Variants in CNTNAP2 observed in about 807,000 individuals in gnomAD.
CNTNAP2 encodes the protein contactin-associated protein-like 2.
Under a neutral mutation model 155.2 loss-of-function variants are expected in CNTNAP2, and 98 were observed. The observed-to-expected ratio is 0.63, with a 90% CI of 0.54 to 0.75. CNTNAP2 has a LOEUF of 0.75. Among genes scored for constraint, CNTNAP2 ranks in the 30% least tolerant of loss-of-function variants. CNTNAP2 has a pLI of 0.00. For synonymous variants in CNTNAP2, 651 were observed against 631.2 expected (o/e 1.03, Z -0.47); for missense variants, 1,727 against 1,688.1 (o/e 1.02, Z -0.40).
At chr7:146,721,369 ATATATACATTC>A (rs879846295) in intron 1 of CNTNAP2, among the ~76,000 whole-genome samples, 2,684 of 124,460 alleles carry the variant, frequency 0.022, 59 homozygotes, top group Non-Finnish European at 0.031. Context: ...TATACATTCT[ATATATACATTC>A]TATATACATT....
intron 9 of CNTNAP2, among the ~76,000 whole-genome samples, chr7:147,328,795 G>A (rs570239741): frequency 1.5e-3 from 231 of 151,576 alleles, no homozygotes; most frequent in Admixed American, 3.4e-3. Flanking sequence ...CCTGCAGGCG[G>A]GTGCCATATT....
rs1051158250 is a variant in CNTNAP2, at chr7:146,498,016, C to T, written c.98-276255C>T. 5.3e-5 allele frequency among the ~76,000 whole-genome samples: 8 copies of T among 151,768 alleles called. No individual in the cohort carries two copies. The South Asian group carries it at 1.7e-3, about 32-fold the overall frequency. On this transcript the variant is annotated intron_variant, in intron 1 of 23. Transcript: ENST00000361727. ...TGGAGTTGAAATAAAGAAAAAGATA[C>T]ATGGAACTCACAGTTAGTAAGAGAA...
chr7:146,980,043 G>C (rs116717536), intron 3 of CNTNAP2, among the ~76,000 whole-genome samples: 2,099 of 152,236 alleles, frequency 0.014, 48 homozygotes, highest in African/African-American at 0.044. Context: ...GTTGGTTAGT[G>C]ATGCTTTTTC....
At chr7:147,437,684 T>C (rs1797573605) in intron 10 of CNTNAP2, among the ~76,000 whole-genome samples, 1 of 152,160 alleles carries the variant, frequency 6.6e-6, no homozygotes, top group African/African-American at 2.4e-5. Context: ...CTGGGTATTT[T>C]TGTGGTTCCA....
At chr7:148,264,973 G>T (rs1369887596) in intron 20 of CNTNAP2, among the ~76,000 whole-genome samples, 1 of 152,212 alleles carries the variant, frequency 6.6e-6, no homozygotes, top group Non-Finnish European at 1.5e-5. Context: ...GATTACAGGC[G>T]TAAGCCACTG....
chr7:146,681,430 G>A lies in CNTNAP2; in HGVS notation c.98-92841G>A, dbSNP rs74758671. 5.2e-4 allele frequency among the ~76,000 whole-genome samples: 55 copies of A among 105,360 alleles called. No homozygotes were observed. In the East Asian group the frequency reaches 0.012, roughly 23 times the overall value. 69.1% of individuals were successfully genotyped at this position (105,360 alleles called of 152,430 possible). On this transcript the variant is annotated intron_variant, in intron 1 of 23. Transcript: ENST00000361727. ...AAGACACACAGGGTCCTGTGGGTGG[G>A]GGGTGGAGGGTGGAGGGTGGCAGGG... is the stretch of plus-strand genomic sequence containing the variant.
intron 22 of CNTNAP2, among the ~76,000 whole-genome samples, chr7:148,409,040 A>C (rs1286757545): frequency 1.3e-5 from 2 of 152,232 alleles, no homozygotes; most frequent in East Asian, 3.8e-4. Context: ...ATGGGGTTAA[A>C]AGTGGATGGG....
At chr7:148,396,581 C>T (rs1225429924) in intron 22 of CNTNAP2, among the ~76,000 whole-genome samples, 1 of 152,202 alleles carries the variant, frequency 6.6e-6, no homozygotes, top group Non-Finnish European at 1.5e-5. Flanking sequence ...CATGTCCTTG[C>T]TATGATCTCT....
chr7:146,298,003 C>T (rs114985128), intron 1 of CNTNAP2, among the ~76,000 whole-genome samples: 5,019 of 152,086 alleles, frequency 0.033, 275 homozygotes, highest in African/African-American at 0.12. Flanking sequence ...TACTATAAAA[C>T]GTGAGATGCT....
intron 3 of CNTNAP2, among the ~76,000 whole-genome samples, chr7:146,977,152 T>C (rs1053836535): frequency 6.6e-6 from 1 of 151,870 alleles, no homozygotes; most frequent in African/African-American, 2.4e-5. Context: ...CATAAAATAA[T>C]AATGAAAAAG....
intron 9 of CNTNAP2, among the ~76,000 whole-genome samples, chr7:147,386,393 C>T (rs958392423): frequency 5.9e-5 from 9 of 152,074 alleles, no homozygotes; most frequent in African/African-American, 1.9e-4. Flanking sequence ...TTTTATGCTC[C>T]GTTTCCCTTT....
Position 146,896,540 on chromosome 7 carries a change from T to G in CNTNAP2, c.402+56636T>G, listed in dbSNP as rs185144916. ...GAACTGTTGAGAGCTATACTGTATG[T>G]CTTTATAAATAGAATCAATACAATT... On this transcript the variant is annotated intron_variant, in intron 3 of 23. Transcript: ENST00000361727. Among the ~76,000 whole-genome samples the G allele has an allele frequency of 5.3e-5, 8 of 152,258 alleles. No individual in the cohort carries two copies. In the East Asian group the frequency reaches 1.3e-3, roughly 26 times the overall value.
Position 148,283,296 on chromosome 7 carries a change from AAAGAAAGAAAGGAAGGAAGG to A in CNTNAP2, c.3475+16174_3475+16193del, listed in dbSNP as rs1563024722. ...GAAAGAAAGAAAGAAAGAAAGAAAG[AAAGAAAGAAAGGAAGGAAGG>A]AAGGAAAGAAAGAAAGAATTCTTAT... On this transcript the variant is annotated intron_variant, in intron 21 of 23. Coordinates refer to ENST00000361727, the MANE Select transcript of CNTNAP2 (RefSeq NM_014141.6). Among the ~76,000 whole-genome samples the A allele has an allele frequency of 1.6e-4, 16 of 97,034 alleles. 2 individuals carry two copies. The highest frequency in any genetic ancestry group is 4.3e-4 in the African/African-American group (7 of 16,402). 63.7% of individuals were successfully genotyped at this position (97,034 alleles called of 152,430 possible).
chr7:147,671,762 A>G (rs1036351641), intron 13 of CNTNAP2: 1 of 152,230 alleles, frequency 6.6e-6, no homozygotes, highest in African/African-American at 2.4e-5. Flanking sequence ...TCTGGCTGTG[A>G]TCGAGCTCCA....
intron 15 of CNTNAP2, among the ~76,000 whole-genome samples, chr7:148,090,566 T>G (rs1336666647): frequency 6.6e-6 from 1 of 152,026 alleles, no homozygotes; most frequent in African/African-American, 2.4e-5. Flanking sequence ...CTCAAACCTC[T>G]TAGAATGGCC....
chr7:146,301,628 C>CAAT, intron 1 of CNTNAP2, among the ~76,000 whole-genome samples: 1 of 151,818 alleles, frequency 6.6e-6, no homozygotes, highest in East Asian at 1.9e-4. Flanking sequence ...TCTGTCTCAA[C>CAAT]AATAACAACA....
chr7:146,586,255 C>G (rs775574167), intron 1 of CNTNAP2, among the ~76,000 whole-genome samples: 7 of 152,100 alleles, frequency 4.6e-5, no homozygotes, highest in African/African-American at 7.2e-5. Context: ...AGAAGTGCTG[C>G]TTTCTTATGA....
intron 20 of CNTNAP2, among the ~76,000 whole-genome samples, chr7:148,236,319 C>T (rs931824731): frequency 2.6e-5 from 4 of 152,176 alleles, no homozygotes; most frequent in South Asian, 2.1e-4. Flanking sequence ...AAATGTTACC[C>T]GTGAGGCTAA....
chr7:146,805,153 G>A (rs954157977), intron 2 of CNTNAP2, among the ~76,000 whole-genome samples: 2 of 152,062 alleles, frequency 1.3e-5, no homozygotes, highest in Non-Finnish European at 2.9e-5. Flanking sequence ...TTAAGGAGAG[G>A]ACAAGGAAGA....
Sources: allele counts gnomAD v4.1 joint callset (sites outside exome capture counted in the v4.1 genomes callset), GRCh38; gene constraint gnomAD v4.1.1; transcripts MANE v1.5; gene names NCBI Gene and HGNC (gene_info 2026-07-23, HGNC 2026-07-21).